Variants in CCDC12 observed in about 807,000 individuals in gnomAD.
CCDC12 encodes coiled-coil domain-containing protein 12.
In CCDC12, 28 loss-of-function variants were observed where a neutral mutation model predicts 25.7. The ratio of observed to expected loss-of-function variants is 1.09; its 90% CI spans 0.81 to 1.50. The LOEUF is 1.50. Ranked by LOEUF, CCDC12 falls within the 40% of genes most tolerant of loss-of-function variation. The probability of loss-of-function intolerance (pLI) is 0.00; values close to 1 mark genes in which losing one functional copy is unlikely to be tolerated. For synonymous variants in CCDC12, 75 were observed against 87.7 expected, an observed-to-expected ratio of 0.86 and a Z score of 0.81; for missense variants, 198 against 210.0, an observed-to-expected ratio of 0.94 and a Z score of 0.35.
chr3:46,981,883 G>A (rs2035371302), intron 1 of CCDC12: 1 of 152,460 alleles, frequency 6.6e-6, no homozygotes. Flanking sequence ...CTCAGGAGGT[G>A]GTTATGGCTC....
chr3:46,947,378 G>A (rs967110697), intron 1 of CCDC12, among the ~76,000 whole-genome samples: 3 of 152,220 alleles, frequency 2.0e-5, no homozygotes, highest in Non-Finnish European at 4.4e-5. Context: ...ATGCCGGGGT[G>A]GAGGGACTTC....
At chr3:46,949,950 C>T (rs1259753667) in intron 1 of CCDC12, among the ~76,000 whole-genome samples, 1 of 151,662 alleles carries the variant, frequency 6.6e-6, no homozygotes, top group Admixed American at 6.6e-5. Flanking sequence ...CTGCTCGAAC[C>T]CAGAGGTAGT....
At chr3:46,946,993 CT>C (rs1168203980) in intron 1 of CCDC12, among the ~76,000 whole-genome samples, 1 of 152,204 alleles carries the variant, frequency 6.6e-6, no homozygotes, top group African/African-American at 2.4e-5. Context: ...CATCTAGGGT[CT>C]TCCCACCCTT....
chr3:46,925,206 T>C (rs899754144), intron 3 of CCDC12: 5 of 671,826 alleles, frequency 7.4e-6, no homozygotes, highest in Non-Finnish European at 1.4e-5. Flanking sequence ...CTCAGATCCC[T>C]GGGAGGCCTC....
At chr3:46,932,960 T>C (rs1467519252) in intron 2 of CCDC12, among the ~76,000 whole-genome samples, 1 of 152,178 alleles carries the variant, frequency 6.6e-6, no homozygotes, top group East Asian at 1.9e-4. Flanking sequence ...GGAGGCAGAA[T>C]CCACACCCTG....
At chr3:46,975,581 A>G (rs2034949609) in intron 1 of CCDC12, among the ~76,000 whole-genome samples, 1 of 126,350 alleles carries the variant, frequency 7.9e-6, no homozygotes, top group South Asian at 2.6e-4. Context: ...CCCAGGCTGG[A>G]GTGCAGTGGC....
rs529395552 is a variant in CCDC12 at position 46,964,174 on chromosome 3, G to T, written c.96+12463C>A. On this transcript the variant is annotated intron_variant, in intron 1 of 6. Coordinates refer to ENST00000683445, the MANE Select transcript of CCDC12 (RefSeq NM_001277074.2). ...CGTCTGAGAAGTGAGGAGCCCCTCC[G>T]CCTGGCAGCCGCCCCGTCTGAGAAG... 2.1e-3 allele frequency among the ~76,000 whole-genome samples: 313 copies of T among 147,508 alleles called. 4 individuals carry two copies. Among genetic ancestry groups the T allele is most frequent in the African/African-American group, 7.6e-3 (300 of 39,614 alleles).
chr3:46,977,717 G>A (rs1396986831), upstream of CCDC12, among the ~76,000 whole-genome samples: 1 of 152,136 alleles, frequency 6.6e-6, no homozygotes, highest in Non-Finnish European at 1.5e-5. Context: ...CCCTCCTGGA[G>A]CAGCAAAGTC....
chr3:46,952,881 T>C (rs2034170678), intron 1 of CCDC12, among the ~76,000 whole-genome samples: 1 of 152,228 alleles, frequency 6.6e-6, no homozygotes, highest in South Asian at 2.1e-4. Context: ...GTCACACAGC[T>C]AGAGGTTGCC....
chr3:46,922,251 T>A lies in CCDC12; in HGVS notation c.403A>T (p.Ile135Phe). The A allele has an allele frequency of 1.2e-6, 2 of 1,614,286 alleles. No individual in the cohort carries two copies. Among genetic ancestry groups the A allele is most frequent in the Non-Finnish European group, 1.7e-6 (2 of 1,180,046 alleles). The part of the protein sequence containing the change: ...EKLKKRTQRA[I>F]AELIRERLKG... ...CTGCACTTACGGATCAGCTCGGCAA[T>A]GGCCCTCTGAGTCCGCTTTTTTAGT... The change falls in exon 6 of 7, where the codon ATT becomes TTT. Residue 135 changes from isoleucine (I) to phenylalanine (F), a missense_variant. Ile to Phe is a conservative substitution (Grantham distance 21). Coordinates refer to ENST00000683445, the MANE Select transcript of CCDC12 (RefSeq NM_001277074.2).
chr3:46,977,343 C>T (rs2035028779), upstream of CCDC12, among the ~76,000 whole-genome samples: 1 of 152,042 alleles, frequency 6.6e-6, no homozygotes, highest in Admixed American at 6.6e-5. Context: ...CGTGGTGGCG[C>T]GTGCCTGTAA....
intron 1 of CCDC12, among the ~76,000 whole-genome samples, chr3:46,941,513 C>T (rs1055225070): frequency 1.3e-5 from 2 of 151,038 alleles, no homozygotes; most frequent in Non-Finnish European, 2.9e-5. Flanking sequence ...TGCAGTGAGC[C>T]GAGATCAAGC....
upstream of CCDC12, chr3:46,979,872 C>T (rs1049420801): frequency 2.1e-6 from 1 of 469,842 alleles, no homozygotes; most frequent in Non-Finnish European, 3.8e-6. Flanking sequence ...ATGGCCGCCT[C>T]GGAGCGGCTG....
At position 46,936,660 on chromosome 3, in the gene CCDC12, G is replaced by A. The variant is rs148838804; in HGVS notation, c.164+4338C>T. Reference sequence around the variant, plus strand: ...TCTGTCTATGTCCTTTCATTTCAGGGACTGCTGCTGAACCAAGAATCTTCT... The same window carrying A: ...TCTGTCTATGTCCTTTCATTTCAGGAACTGCTGCTGAACCAAGAATCTTCT... On this transcript the variant is annotated intron_variant, in intron 2 of 6. Coordinates refer to ENST00000683445, the MANE Select transcript of CCDC12 (RefSeq NM_001277074.2). Among the ~76,000 whole-genome samples, 1,127 of 152,252 alleles carry A rather than the reference G, an allele frequency of 7.4e-3. 7 individuals carry two copies. The highest frequency in any genetic ancestry group is 0.012 in the Non-Finnish European group (783 of 68,016).
intron 2 of CCDC12, among the ~76,000 whole-genome samples, chr3:46,929,867 CT>C (rs1197493746): frequency 2.6e-5 from 4 of 151,544 alleles, no homozygotes; most frequent in African/African-American, 9.7e-5. Flanking sequence ...CCCATCTCTA[CT>C]AAAAAAACAA....
chr3:46,923,839 G>T, intron 3 of CCDC12, 171 bp from the exon 4 acceptor site: 1 of 460,344 alleles, frequency 2.2e-6, no homozygotes, highest in Non-Finnish European at 3.7e-6. Context: ...CAGCTCTGGA[G>T]GAGGGGCCTG....
At chr3:46,923,212 T>C in intron 5 of CCDC12, 117 bp downstream of exon 5, 2 of 1,068,660 alleles carry the variant, frequency 1.9e-6, no homozygotes, top group South Asian at 2.6e-5. Flanking sequence ...CGTGTAACTC[T>C]ATGTCTGTAC....
intron 1 of CCDC12, among the ~76,000 whole-genome samples, chr3:46,944,369 A>C (rs1285736642): frequency 6.6e-6 from 1 of 152,032 alleles, no homozygotes; most frequent in East Asian, 1.9e-4. Flanking sequence ...TGCGCTCCCC[A>C]CACAGTTCAG....
upstream of CCDC12, chr3:46,977,117 GCCTCTTGGAATGC>G (rs1306185371): frequency 4.7e-6 from 1 of 213,206 alleles, no homozygotes; most frequent in Admixed American, 5.4e-5. Context: ...CTCCATGCTG[GCCTCTTGGAATGC>G]CCTGACTCAT....
Sources: gnomAD v4.1 joint callset for allele counts (sites outside exome capture counted in the v4.1 genomes callset) on GRCh38, gnomAD v4.1.1 for gene constraint, MANE v1.5 for transcripts, NCBI Gene and HGNC (gene_info 2026-07-23, HGNC 2026-07-21) for gene names.